CCDC47: variants seen among roughly 807,000 people sequenced by gnomAD.
CCDC47 encodes PAT complex subunit CCDC47.
A neutral mutation model predicts 60.5 loss-of-function variants in CCDC47; 41 were observed. That is an observed-to-expected ratio of 0.68 (90% confidence interval 0.53 to 0.88). CCDC47 has a LOEUF of 0.88. Among genes scored for constraint, CCDC47 ranks in the 40% least tolerant of loss-of-function variants. CCDC47 has a pLI of 0.00. For missense variants in CCDC47, 513 were observed against 580.9 expected (o/e 0.88, Z 1.20); for synonymous variants, 195 against 190.7 (o/e 1.02, Z -0.18).
At chr17:63,768,347 C>A (rs991201334) in intron 1 of CCDC47, among the ~76,000 whole-genome samples, 4 of 151,494 alleles carry the variant, frequency 2.6e-5, no homozygotes, top group African/African-American at 9.8e-5. Context: ...TGGTTAAACT[C>A]TTTGGTTAAA....
At chr17:63,747,421 C>G in intron 12 of CCDC47, 3 of 984,160 alleles carry the variant, frequency 3.0e-6, no homozygotes, top group Non-Finnish European at 3.6e-6. Context: ...GCACAGACAC[C>G]ATACCTGCAC....
intron 1 of CCDC47, among the ~76,000 whole-genome samples, chr17:63,769,308 A>C (rs2039319197): frequency 6.6e-6 from 1 of 151,740 alleles, no homozygotes; most frequent in African/African-American, 2.4e-5. Flanking sequence ...TTTTAGAAGC[A>C]AATGCACATA....
chr17:63,765,986 C>T lies in CCDC47; in HGVS notation c.190G>A (p.Glu64Lys), dbSNP rs757242220. 1.2e-6 allele frequency: 2 copies of T among 1,614,120 alleles called. No homozygotes were observed. The highest frequency in any genetic ancestry group is 2.2e-5 in the South Asian group (2 of 91,086). Residue 64 changes from glutamate to lysine, a missense_variant, in exon 2 of 13, where the codon GAA (glutamate) becomes AAA (lysine). By Grantham distance (56) the Glu-to-Lys change is moderately conservative (BLOSUM62 1). Transcript: ENST00000225726. ...TCCAACTCCACAGTGGTCTCATCTTCATCATCTTCAGTGATTATGACCCGT... is the reference window on the plus strand; with the variant it reads ...TCCAACTCCACAGTGGTCTCATCTTTATCATCTTCAGTGATTATGACCCGT... ...PQRVIITEDDEDETTVELEGQ... is the reference protein window; with the variant it reads ...PQRVIITEDDKDETTVELEGQ...
At chr17:63,763,458 G>A (rs1489780595) in intron 4 of CCDC47, among the ~76,000 whole-genome samples, 1 of 152,116 alleles carries the variant, frequency 6.6e-6, no homozygotes, top group East Asian at 1.9e-4. Flanking sequence ...CTGGGAGGTC[G>A]AGGCTGCAGT....
At chr17:63,753,488 T>G (rs1273732133) in intron 9 of CCDC47, 3 of 262,920 alleles carry the variant, frequency 1.1e-5, no homozygotes, top group Non-Finnish European at 1.8e-5. Context: ...TGAATTGTGC[T>G]CAACTCCACA....
chr17:63,759,478 G>T (rs1188435110), intron 6 of CCDC47, among the ~76,000 whole-genome samples: 1 of 86,918 alleles, frequency 1.2e-5, no homozygotes, highest in Non-Finnish European at 2.2e-5. Flanking sequence ...GATAGAGTGA[G>T]ATTCTGTCTC....
chr17:63,761,699 A>T, intron 4 of CCDC47: 2 of 415,432 alleles, frequency 4.8e-6, no homozygotes, highest in Non-Finnish European at 6.4e-6. Context: ...TCTGTCTCAA[A>T]AAAAAAAAAA....
At chr17:63,763,880 G>C in intron 4 of CCDC47, 136 bp downstream of exon 4, 1 of 444,430 alleles carries the variant, frequency 2.3e-6, no homozygotes, top group Non-Finnish European at 3.8e-6. Context: ...AGAGCAGGGG[G>C]AATCCTTGAG....
chr17:63,765,639 C>A, intron 2 of CCDC47: 1 of 1,130,772 alleles, frequency 8.8e-7, no homozygotes, highest in Non-Finnish European at 1.1e-6. Context: ...CGTGCCCAGC[C>A]AATTGCAAAG....
At chr17:63,770,952 C>T (rs1379571426) in intron 1 of CCDC47, among the ~76,000 whole-genome samples, 4 of 141,068 alleles carry the variant, frequency 2.8e-5, no homozygotes, top group African/African-American at 8.1e-5. Context: ...CATGCCACTG[C>T]ACTCCAGCCT....
chr17:63,767,559 C>T (rs2039306024), intron 1 of CCDC47, among the ~76,000 whole-genome samples: 1 of 151,994 alleles, frequency 6.6e-6, no homozygotes, highest in South Asian at 2.1e-4. Context: ...CCAGTCCTGT[C>T]CCTCATCTAA....
At chr17:63,752,977 T>C in intron 9 of CCDC47, 178 bp from the exon 10 acceptor site, 2 of 918,652 alleles carry the variant, frequency 2.2e-6, no homozygotes, top group Non-Finnish European at 2.6e-6. Context: ...TCCACTCGTC[T>C]ATCTGATGGA....
At chr17:63,772,209 C>G (rs2039348440) in intron 1 of CCDC47, among the ~76,000 whole-genome samples, 1 of 149,384 alleles carries the variant, frequency 6.7e-6, no homozygotes, top group Non-Finnish European at 1.5e-5. Context: ...CTACTTGCCT[C>G]TTAGGGCTGC....
intron 8 of CCDC47, among the ~76,000 whole-genome samples, chr17:63,755,784 T>C (rs2039200950): frequency 6.6e-6 from 1 of 152,046 alleles, no homozygotes; most frequent in Non-Finnish European, 1.5e-5. Flanking sequence ...CCAGAAGTTT[T>C]TGATGCTGCA....
intron 4 of CCDC47, chr17:63,762,105 T>C (rs759105624): frequency 1.0e-6 from 1 of 984,878 alleles, no homozygotes; most frequent in Non-Finnish European, 1.2e-6. Flanking sequence ...AAATGATAAC[T>C]GGGTCTTACT....
intron 1 of CCDC47, among the ~76,000 whole-genome samples, chr17:63,769,529 G>C (rs1054379759): frequency 6.7e-6 from 1 of 148,292 alleles, no homozygotes; most frequent in Non-Finnish European, 1.5e-5. Context: ...CAGGAGGATC[G>C]CTTGAATCAG....
chr17:63,752,508 T>A (rs1293234201), intron 10 of CCDC47, 79 bp from the exon 11 acceptor site: 7 of 976,858 alleles, frequency 7.2e-6, no homozygotes, highest in South Asian at 3.5e-5. Context: ...TTTTTTTTTT[T>A]AATCTTAAGA....
intron 6 of CCDC47, among the ~76,000 whole-genome samples, chr17:63,757,253 T>A (rs756462248): frequency 4.7e-5 from 7 of 149,768 alleles, no homozygotes; most frequent in Admixed American, 3.3e-4. Flanking sequence ...ATGCCTGTAG[T>A]CCCAGCTACT....
intron 4 of CCDC47, among the ~76,000 whole-genome samples, chr17:63,762,540 A>C (rs2039268762): frequency 6.6e-6 from 1 of 152,230 alleles, no homozygotes; most frequent in African/African-American, 2.4e-5. Context: ...TAATATATAA[A>C]CACTACTGTG....
Sources: allele counts gnomAD v4.1 joint callset (sites outside exome capture counted in the v4.1 genomes callset), GRCh38; gene constraint gnomAD v4.1.1; transcripts MANE v1.5; gene names NCBI Gene and HGNC (gene_info 2026-07-23, HGNC 2026-07-21).